The following ROBO1 variants were observed in gnomAD, a reference collection of about 807,000 sequenced individuals.
ROBO1 encodes roundabout guidance receptor 1, also known as roundabout homolog 1.
A neutral mutation model predicts 195.9 loss-of-function variants in ROBO1; 149 were observed. The ratio of observed to expected loss-of-function variants is 0.76; its 90% confidence interval spans 0.67 to 0.87. ROBO1 has a LOEUF of 0.87. Among genes scored for constraint, ROBO1 ranks in the 40% least tolerant of loss-of-function variants. The pLI, the probability that ROBO1 is intolerant of heterozygous loss-of-function variation, is 0.00. For missense variants in ROBO1, 1,933 were observed against 2,068.3 expected (o/e 0.93, Z 1.27); for synonymous variants, 816 against 733.2 (o/e 1.11, Z -1.82).
At chr3:79,599,981 GA>G (rs1944292281) in intron 1 of ROBO1, among the ~76,000 whole-genome samples, 1 of 150,750 alleles carries the variant, frequency 6.6e-6, no homozygotes, top group Non-Finnish European at 1.5e-5. Context: ...CCAAATTCAC[GA>G]AGATGATTCC....
At chr3:79,715,311 T>G (rs961130213) in intron 1 of ROBO1, among the ~76,000 whole-genome samples, 1 of 152,096 alleles carries the variant, frequency 6.6e-6, no homozygotes, top group African/African-American at 2.4e-5. Flanking sequence ...AATGTTTTTG[T>G]GAAAGGAAGA....
In ROBO1 at chr3:79,237,474, C is replaced by A. The variant is rs1389234715; in HGVS notation, c.89-111935G>T. 4.7e-5 allele frequency among the ~76,000 whole-genome samples: 3 copies of A among 63,626 alleles called. No individual in the cohort carries two copies. The Admixed American group carries it at 5.7e-4, about 12-fold the overall frequency. 41.7% of individuals were successfully genotyped at this position (63,626 alleles called of 152,430 possible). ...CCAGCCTGGGCGACAGAGCAAGACTCCATCTCAAAAAAAAAAAAATAATAA... is the reference window on the plus strand; with the variant it reads ...CCAGCCTGGGCGACAGAGCAAGACTACATCTCAAAAAAAAAAAAATAATAA... On this transcript the variant is annotated intron_variant, in intron 2 of 30. Transcript: ENST00000464233.
intron 4 of ROBO1, among the ~76,000 whole-genome samples, chr3:78,905,411 G>A (rs1203394385): frequency 6.6e-6 from 1 of 152,120 alleles, no homozygotes; most frequent in Non-Finnish European, 1.5e-5. Context: ...GCCAAGATGG[G>A]AGGATCACTT....
At chr3:79,521,103 G>T (rs568965691) in intron 2 of ROBO1, among the ~76,000 whole-genome samples, 74 of 152,242 alleles carry the variant, frequency 4.9e-4, no homozygotes, top group Non-Finnish European at 9.0e-4. Context: ...GGAACCCCTT[G>T]TGAAAGCAAT....
intron 2 of ROBO1, among the ~76,000 whole-genome samples, chr3:79,238,889 C>T (rs1484041257): frequency 1.3e-5 from 2 of 152,138 alleles, no homozygotes. Flanking sequence ...TGTCTTTTTG[C>T]CTCTATTTTC....
chr3:79,171,162 TTA>T lies in ROBO1; in HGVS notation c.89-45625_89-45624del, dbSNP rs1324876745. Among the ~76,000 whole-genome samples, 3 of 149,912 alleles carry T rather than the reference TTA, an allele frequency of 2.0e-5. No individual in the cohort carries two copies. The East Asian group carries it at 5.8e-4, about 29-fold the overall frequency. On this transcript the variant is annotated intron_variant, in intron 2 of 30. Transcript: ENST00000464233. ...TAATATAAATGTATAATTAAATATC[TTA>T]TGTTAAAAACAAAGCTTATAAATTA...
intron 4 of ROBO1, among the ~76,000 whole-genome samples, chr3:78,892,689 G>C (rs114640129): frequency 2.0e-5 from 3 of 152,116 alleles, no homozygotes; most frequent in Non-Finnish European, 4.4e-5. Context: ...ATTTTTGGTA[G>C]GTGGATCAGT....
chr3:78,741,080 T>A (rs1394654020), intron 5 of ROBO1, among the ~76,000 whole-genome samples: 2 of 152,222 alleles, frequency 1.3e-5, no homozygotes, highest in Admixed American at 1.3e-4. Context: ...TCTTGTCTCA[T>A]CAGTTATCAC....
chr3:78,671,683 T>G (rs1357764765), intron 10 of ROBO1, among the ~76,000 whole-genome samples: 1 of 152,096 alleles, frequency 6.6e-6, no homozygotes, highest in Non-Finnish European at 1.5e-5. Context: ...AATTCTCTTC[T>G]TTGTCTTGGT....
At chr3:79,528,643 CTG>C (rs1941531278) in intron 2 of ROBO1, among the ~76,000 whole-genome samples, 1 of 152,118 alleles carries the variant, frequency 6.6e-6, no homozygotes, top group Non-Finnish European at 1.5e-5. Context: ...AAGTAAGTGT[CTG>C]TTGAAATAAA....
intron 4 of ROBO1, among the ~76,000 whole-genome samples, chr3:78,916,411 G>T (rs1219871128): frequency 6.6e-6 from 1 of 151,598 alleles, no homozygotes; most frequent in Non-Finnish European, 1.5e-5. Context: ...AATTAGCCAG[G>T]TGTGGGGGCG....
chr3:79,288,998 T>C (rs1458011577), intron 2 of ROBO1, among the ~76,000 whole-genome samples: 1 of 152,106 alleles, frequency 6.6e-6, no homozygotes, highest in Non-Finnish European at 1.5e-5. Context: ...ACAAACAACA[T>C]GTCTTTCAAT....
rs532321606 is a variant in ROBO1, at chr3:79,210,376, C to T, written c.89-84837G>A. Among the ~76,000 whole-genome samples the T allele has an allele frequency of 3.3e-5, 5 of 152,198 alleles. No homozygotes were observed. The East Asian group carries it at 5.8e-4, about 18-fold the overall frequency. ...CAGAAATAAAGCCAAATATTTACAGCCAACTTATCTTCAACAAAGCATATA... is the reference window on the plus strand; with the variant it reads ...CAGAAATAAAGCCAAATATTTACAGTCAACTTATCTTCAACAAAGCATATA... On this transcript the variant is annotated intron_variant, in intron 2 of 30. Transcript: ENST00000464233.
intron 19 of ROBO1, among the ~76,000 whole-genome samples, chr3:78,648,659 TTAAAG>T (rs1196635013): frequency 2.0e-5 from 3 of 150,552 alleles, no homozygotes; most frequent in African/African-American, 7.4e-5. Context: ...TCATGTTAAA[TTAAAG>T]TAAACGCTGC....
intron 1 of ROBO1, among the ~76,000 whole-genome samples, chr3:79,596,451 TA>T (rs931771637): frequency 3.9e-5 from 6 of 151,962 alleles, no homozygotes; most frequent in Non-Finnish European, 8.8e-5. Context: ...CAGTATTGGG[TA>T]AAGATATTCA....
intron 4 of ROBO1, among the ~76,000 whole-genome samples, chr3:78,916,524 C>G (rs2038601613): frequency 2.0e-5 from 3 of 147,454 alleles, no homozygotes; most frequent in African/African-American, 7.6e-5. Context: ...TGCACTCCAG[C>G]CTGGACAACA....
At chr3:79,267,207 C>T (rs2030045258) in intron 2 of ROBO1, among the ~76,000 whole-genome samples, 1 of 151,432 alleles carries the variant, frequency 6.6e-6, no homozygotes, top group Non-Finnish European at 1.5e-5. Flanking sequence ...CTCTGCTGTT[C>T]TAAAAAGCTA....
chr3:78,690,669 C>A (rs12632538), intron 8 of ROBO1, among the ~76,000 whole-genome samples: 152,193 of 152,198 alleles, frequency 1, 76,094 homozygotes, highest in Non-Finnish European at 1. Context: ...CTGGATAATA[C>A]ACTAAATTCA....
At chr3:79,756,676 T>C (rs1235348785) in intron 1 of ROBO1, among the ~76,000 whole-genome samples, 1 of 152,134 alleles carries the variant, frequency 6.6e-6, no homozygotes, top group African/African-American at 2.4e-5. Flanking sequence ...ATGTATGCCT[T>C]TAACCATTTT....
Sources: gnomAD v4.1 joint callset for allele counts (sites outside exome capture counted in the v4.1 genomes callset) on GRCh38, gnomAD v4.1.1 for gene constraint, MANE v1.5 for transcripts, NCBI Gene and HGNC (gene_info 2026-07-23, HGNC 2026-07-21) for gene names.